DYNC1I1: variants seen among roughly 807,000 people sequenced by gnomAD.
The protein encoded by DYNC1I1 is cytoplasmic dynein 1 intermediate chain 1.
DYNC1I1 carries 43 observed loss-of-function variants against 86.6 expected under a neutral mutation model. That is an observed-to-expected ratio of 0.50 (90% CI 0.39 to 0.64). The LOEUF is 0.64. Ranked by LOEUF, DYNC1I1 falls within the 30% of genes least tolerant of loss-of-function variation. The pLI is 0.00. For synonymous variants in DYNC1I1, 262 were observed against 283.7 expected (o/e 0.92, Z 0.77); for missense variants, 604 against 788.8 (o/e 0.77, Z 2.81).
intron 10 of DYNC1I1, among the ~76,000 whole-genome samples, chr7:96,024,724 G>A (rs915238621): frequency 6.6e-5 from 10 of 152,030 alleles, no homozygotes; most frequent in African/African-American, 2.4e-4. Flanking sequence ...AAAATGTACT[G>A]TTAAAAATGA....
chr7:95,847,623 T>C (rs1192041464), intron 5 of DYNC1I1, among the ~76,000 whole-genome samples: 2 of 152,214 alleles, frequency 1.3e-5, no homozygotes, highest in Non-Finnish European at 2.9e-5. Flanking sequence ...TCCAAATTCT[T>C]TAACCTGATA....
intron 5 of DYNC1I1, among the ~76,000 whole-genome samples, chr7:95,854,653 G>A (rs1169821076): frequency 6.6e-6 from 1 of 152,104 alleles, no homozygotes; most frequent in Non-Finnish European, 1.5e-5. Flanking sequence ...AGTTTCAGAT[G>A]TTTTTGTGTT....
At chr7:96,096,274 C>G (rs938075966) in intron 16 of DYNC1I1, among the ~76,000 whole-genome samples, 1 of 151,998 alleles carries the variant, frequency 6.6e-6, no homozygotes, top group Non-Finnish European at 1.5e-5. Flanking sequence ...AATTTTCCAG[C>G]TGTAGAAGCA....
chr7:95,826,153 G>T (rs2115914605), intron 4 of DYNC1I1, among the ~76,000 whole-genome samples: 1 of 152,198 alleles, frequency 6.6e-6, no homozygotes, highest in Non-Finnish European at 1.5e-5. Context: ...AATATTCCCG[G>T]GTATCTGTAT....
intron 5 of DYNC1I1, among the ~76,000 whole-genome samples, chr7:95,830,492 T>A (rs1490745536): frequency 1.3e-5 from 2 of 152,170 alleles, no homozygotes; most frequent in Admixed American, 6.5e-5. Context: ...CTGACTTCCT[T>A]CATTCAGAAG....
At chr7:96,089,192 A>G (rs1021155873) in intron 16 of DYNC1I1, among the ~76,000 whole-genome samples, 6 of 151,552 alleles carry the variant, frequency 4.0e-5, no homozygotes, top group Non-Finnish European at 8.8e-5. Context: ...CTTAAAAAAA[A>G]AAATTCAGAT....
At chr7:96,014,320 T>C (rs1794350816) in intron 10 of DYNC1I1, among the ~76,000 whole-genome samples, 1 of 152,044 alleles carries the variant, frequency 6.6e-6, no homozygotes, top group Non-Finnish European at 1.5e-5. Context: ...AGAACGTGAG[T>C]CTCCTGACTC....
chr7:96,084,427 CT>C (rs1232358476), intron 16 of DYNC1I1, among the ~76,000 whole-genome samples: 11 of 139,388 alleles, frequency 7.9e-5, no homozygotes, highest in African/African-American at 1.6e-4. Context: ...ACCTGTTTCT[CT>C]TTTTTTTTCT....
intron 7 of DYNC1I1, among the ~76,000 whole-genome samples, chr7:95,983,533 G>T (rs892014123): frequency 6.6e-6 from 1 of 152,134 alleles, no homozygotes; most frequent in Non-Finnish European, 1.5e-5. Flanking sequence ...AGGCTAGAAA[G>T]AGGGAGATGT....
chr7:95,775,509 C>T (rs1205238220), intron 1 of DYNC1I1, among the ~76,000 whole-genome samples: 3 of 152,160 alleles, frequency 2.0e-5, no homozygotes, highest in South Asian at 2.1e-4. Flanking sequence ...GACAAAAAAG[C>T]GAGTGTATGT....
chr7:96,052,903 G>A (rs1789445771), intron 14 of DYNC1I1, among the ~76,000 whole-genome samples: 1 of 152,156 alleles, frequency 6.6e-6, no homozygotes, highest in Admixed American at 6.5e-5. Context: ...CTGAAGGTGG[G>A]CAGTAAGGAC....
intron 14 of DYNC1I1, among the ~76,000 whole-genome samples, chr7:96,064,210 ATCTC>A (rs10557179): frequency 0.034 from 4,794 of 140,920 alleles, 103 homozygotes; most frequent in African/African-American, 0.054. Context: ...AAATATTCAT[ATCTC>A]TCTCTCTCTC....
At chr7:96,037,672 A>G (rs375702390) in intron 13 of DYNC1I1, among the ~76,000 whole-genome samples, 73 of 152,318 alleles carry the variant, frequency 4.8e-4, no homozygotes, top group African/African-American at 1.6e-3. Flanking sequence ...ATAACATTTT[A>G]CATGATGAAC....
chr7:95,845,026 A>T (rs181622539), intron 5 of DYNC1I1, among the ~76,000 whole-genome samples: 252 of 152,334 alleles, frequency 1.7e-3, no homozygotes, highest in African/African-American at 5.7e-3. Flanking sequence ...CAAGCCCAGG[A>T]ATGACCAAGT....
At chr7:95,932,476 C>G (rs1248128653) in intron 6 of DYNC1I1, among the ~76,000 whole-genome samples, 2 of 152,106 alleles carry the variant, frequency 1.3e-5, no homozygotes, top group Admixed American at 6.5e-5. Context: ...AAGGCCTGAG[C>G]AGAATGGAAA....
intron 6 of DYNC1I1, among the ~76,000 whole-genome samples, chr7:95,935,332 T>C (rs930933173): frequency 2.0e-5 from 3 of 152,064 alleles, no homozygotes; most frequent in African/African-American, 7.2e-5. Context: ...CTGAATAGTA[T>C]TCCGTGGCAT....
intron 12 of DYNC1I1, among the ~76,000 whole-genome samples, chr7:96,033,286 C>T (rs1584265432): frequency 6.6e-6 from 1 of 152,136 alleles, no homozygotes; most frequent in African/African-American, 2.4e-5. Flanking sequence ...TCCTGTCATT[C>T]CTTGCTCAGT....
chr7:96,010,850 A>G (rs983093024), intron 10 of DYNC1I1, among the ~76,000 whole-genome samples: 4 of 152,250 alleles, frequency 2.6e-5, no homozygotes, highest in Admixed American at 6.5e-5. Context: ...AGAAGTTTGC[A>G]TTGCCAGATG....
At chr7:95,900,786 T>G (rs1047457946) in intron 6 of DYNC1I1, among the ~76,000 whole-genome samples, 1 of 152,186 alleles carries the variant, frequency 6.6e-6, no homozygotes, top group Non-Finnish European at 1.5e-5. Flanking sequence ...TAAAAAAGTT[T>G]TATTAAGAAG....
Sources: allele counts gnomAD v4.1 joint callset (sites outside exome capture counted in the v4.1 genomes callset), GRCh38; gene constraint gnomAD v4.1.1; transcripts MANE v1.5; gene names NCBI Gene and HGNC (gene_info 2026-07-23, HGNC 2026-07-21).